DLG2: variants seen among roughly 807,000 people sequenced by gnomAD.
The protein encoded by DLG2 is disks large homolog 2.
DLG2 carries 45 observed loss-of-function variants against 132.5 expected under a neutral mutation model. The ratio of observed to expected loss-of-function variants is 0.34; its 90% confidence interval spans 0.27 to 0.44. The LOEUF is 0.44. Ranked by LOEUF, DLG2 falls within the 20% of genes least tolerant of loss-of-function variation. The pLI, the probability that DLG2 is intolerant of heterozygous loss-of-function variation, is 1.00. For synonymous variants in DLG2, 424 were observed against 419.6 expected (o/e 1.01, Z -0.13); for missense variants, 1,045 against 1,196.9 (o/e 0.87, Z 1.87).
intron 7 of DLG2, among the ~76,000 whole-genome samples, chr11:84,487,551 A>AT (rs1459971280): frequency 6.6e-6 from 1 of 152,150 alleles, no homozygotes; most frequent in Non-Finnish European, 1.5e-5. Context: ...TAACTTAGGT[A>AT]TTTTATGAAA....
intron 4 of DLG2, among the ~76,000 whole-genome samples, chr11:85,155,801 T>G (rs1435143847): frequency 6.8e-6 from 1 of 148,008 alleles, no homozygotes; most frequent in Non-Finnish European, 1.5e-5. Flanking sequence ...ACCAGGGAGG[T>G]GCAGGTTGCA....
chr11:83,956,388 A>G (rs2086842035), intron 14 of DLG2, among the ~76,000 whole-genome samples: 1 of 152,228 alleles, frequency 6.6e-6, no homozygotes, highest in Non-Finnish European at 1.5e-5. Flanking sequence ...GAACTAAAAG[A>G]GTACTGTGAC....
chr11:83,943,181 G>C (rs1018073685), intron 14 of DLG2, among the ~76,000 whole-genome samples: 6 of 152,110 alleles, frequency 3.9e-5, no homozygotes, highest in African/African-American at 1.4e-4. Context: ...TTTACCAGCA[G>C]CATGAAAATG....
intron 21 of DLG2, among the ~76,000 whole-genome samples, chr11:83,517,553 A>G (rs10792687): frequency 0.36 from 54,931 of 152,012 alleles, 9,990 homozygotes; most frequent in Middle Eastern, 0.46. Context: ...GCTTTGTTCC[A>G]TTGCTGGTGA....
At chr11:83,784,907 G>A (rs774974530) in intron 18 of DLG2, among the ~76,000 whole-genome samples, 2 of 152,104 alleles carry the variant, frequency 1.3e-5, no homozygotes, top group South Asian at 2.1e-4. Flanking sequence ...AATGTCAGGC[G>A]ATGGTGAAGG....
intron 4 of DLG2, among the ~76,000 whole-genome samples, chr11:85,172,188 C>T (rs2078924111): frequency 6.6e-6 from 1 of 152,238 alleles, no homozygotes; most frequent in Non-Finnish European, 1.5e-5. Context: ...CCAGACGCCT[C>T]CTACAGGAGC....
chr11:83,672,432 C>T (rs2076991429), intron 18 of DLG2, among the ~76,000 whole-genome samples: 1 of 152,154 alleles, frequency 6.6e-6, no homozygotes, highest in South Asian at 2.1e-4. Flanking sequence ...CCACCTTGGC[C>T]TCCCAAAGTG....
intron 6 of DLG2, among the ~76,000 whole-genome samples, chr11:84,770,121 G>T (rs2069058558): frequency 6.6e-6 from 1 of 152,068 alleles, no homozygotes; most frequent in Admixed American, 6.6e-5. Flanking sequence ...GCAAGATCTG[G>T]TTGCTTAAAA....
At chr11:85,569,581 C>T (rs929995717) in intron 3 of DLG2, among the ~76,000 whole-genome samples, 1 of 152,116 alleles carries the variant, frequency 6.6e-6, no homozygotes, top group Non-Finnish European at 1.5e-5. Flanking sequence ...TTGAAGAGCA[C>T]ACTTTGTATG....
At chr11:84,981,246 A>G (rs2055695264) in intron 6 of DLG2, among the ~76,000 whole-genome samples, 1 of 152,226 alleles carries the variant, frequency 6.6e-6, no homozygotes, top group Non-Finnish European at 1.5e-5. Flanking sequence ...GAAAAAATCA[A>G]TATAAGTTCT....
intron 10 of DLG2, among the ~76,000 whole-genome samples, chr11:84,094,605 T>C (rs912249031): frequency 6.6e-6 from 1 of 152,186 alleles, no homozygotes; most frequent in African/African-American, 2.4e-5. Flanking sequence ...TCCTGGTTCA[T>C]AGATAATGCC....
At chr11:85,478,782 G>C (rs1318117369) in intron 3 of DLG2, among the ~76,000 whole-genome samples, 1 of 152,106 alleles carries the variant, frequency 6.6e-6, no homozygotes, top group East Asian at 1.9e-4. Flanking sequence ...ATATTGCTCT[G>C]AACACAGTAT....
Position 85,408,670 on chromosome 11 carries a change from G to A in DLG2, c.41-123305C>T, listed in dbSNP as rs918374544. Among the ~76,000 whole-genome samples the A allele has an allele frequency of 3.3e-5, 5 of 150,966 alleles. No individual in the cohort carries two copies. In the East Asian group the frequency reaches 9.8e-4, roughly 30 times the overall value. On this transcript the variant is annotated intron_variant, in intron 3 of 27. Coordinates refer to ENST00000376104, the MANE Select transcript of DLG2 (RefSeq NM_001142699.3). ...TGTTTGGTTTTTTGTTCTTGCGATA[G>A]TTTACTGAGAATGATGATTTCCAAT...
chr11:84,269,315 T>C (rs1040750893), intron 7 of DLG2, among the ~76,000 whole-genome samples: 1 of 152,248 alleles, frequency 6.6e-6, no homozygotes, highest in Non-Finnish European at 1.5e-5. Context: ...TAAGCATTCA[T>C]TGAATAGACG....
chr11:84,644,566 C>T (rs1240503516), intron 6 of DLG2, among the ~76,000 whole-genome samples: 2 of 151,838 alleles, frequency 1.3e-5, no homozygotes, highest in African/African-American at 4.8e-5. Flanking sequence ...ATTAGCCGGG[C>T]GTGGTGGCGG....
intron 21 of DLG2, among the ~76,000 whole-genome samples, chr11:83,518,504 C>T (rs975733139): frequency 6.6e-6 from 1 of 152,092 alleles, no homozygotes; most frequent in African/African-American, 2.4e-5. Flanking sequence ...TTCAGCGATG[C>T]CTCACCCTGC....
intron 6 of DLG2, among the ~76,000 whole-genome samples, chr11:84,741,159 C>T (rs1346976379): frequency 2.0e-5 from 3 of 147,138 alleles, no homozygotes; most frequent in South Asian, 2.1e-4. Context: ...CTCCGCCTTC[C>T]GGGTTCACGC....
intron 3 of DLG2, among the ~76,000 whole-genome samples, chr11:85,422,566 G>T (rs2090404359): frequency 6.6e-6 from 1 of 151,118 alleles, no homozygotes; most frequent in South Asian, 2.1e-4. Context: ...ATTTGTCGGG[G>T]TTTCTTTGTT....
At chr11:84,723,463 C>G (rs2062061520) in intron 6 of DLG2, among the ~76,000 whole-genome samples, 1 of 151,942 alleles carries the variant, frequency 6.6e-6, no homozygotes, top group Non-Finnish European at 1.5e-5. Context: ...ATCTGTTATC[C>G]GTTTATATGT....
Sources: gnomAD v4.1 joint callset for allele counts (sites outside exome capture counted in the v4.1 genomes callset) on GRCh38, gnomAD v4.1.1 for gene constraint, MANE v1.5 for transcripts, NCBI Gene and HGNC (gene_info 2026-07-23, HGNC 2026-07-21) for gene names.